Variants in KANK1 observed in about 807,000 individuals in gnomAD.
KANK1 encodes KN motif and ankyrin repeat domain-containing protein 1.
In KANK1, 109 loss-of-function variants were observed where a neutral mutation model predicts 106.2. The ratio of observed to expected loss-of-function variants is 1.03; its 90% CI spans 0.88 to 1.20. KANK1 has a LOEUF of 1.20. Among genes scored for constraint, KANK1 ranks in the 50% most tolerant of loss-of-function variants. KANK1 has a pLI of 0.00. For synonymous variants in KANK1, 873 were observed against 652.2 expected (o/e 1.34, Z -5.16); for missense variants, 2,399 against 1,710.7 (o/e 1.40, Z -7.10).
chr9:719,991 CAT>C (rs1193552689), intron 3 of KANK1, among the ~76,000 whole-genome samples: 2 of 152,152 alleles, frequency 1.3e-5, no homozygotes, highest in African/African-American at 4.8e-5. Context: ...ATAGTCATCT[CAT>C]TTGCCTTAGA....
At chr9:655,167 C>T (rs1841848051) in intron 1 of KANK1, among the ~76,000 whole-genome samples, 1 of 152,102 alleles carries the variant, frequency 6.6e-6, no homozygotes, top group Middle Eastern at 3.4e-3. Context: ...GTCAGGAGCT[C>T]GGGACCAGCC....
At position 712,916 on chromosome 9, in the gene KANK1, T is replaced by C; in HGVS notation, c.2150T>C (p.Val717Ala). The part of the protein sequence containing the change: ...TSTQTVETRT[V>A]AVGEGRVKDI... ...ACCCAGACTGTGGAGACGCGGACAGTAGCTGTAGGAGAAGGCCGTGTCAAG... is the reference window on the plus strand; with the variant it reads ...ACCCAGACTGTGGAGACGCGGACAGCAGCTGTAGGAGAAGGCCGTGTCAAG... Residue 717 changes from valine to alanine, a missense_variant, in exon 3 of 12, where the codon GTA (valine) becomes GCA (alanine). Transcript: ENST00000382297. 2 of 1,614,096 alleles carry C rather than the reference T, an allele frequency of 1.2e-6. No homozygotes were observed. The highest frequency in any genetic ancestry group is 1.3e-5 in the African/African-American group (1 of 75,014).
intron 1 of KANK1, among the ~76,000 whole-genome samples, chr9:509,737 T>G (rs1587358814): frequency 6.6e-6 from 1 of 152,224 alleles, no homozygotes; most frequent in Non-Finnish European, 1.5e-5. Flanking sequence ...TGGCTTGGGA[T>G]CTTTGTTAAA....
chr9:623,523 G>C (rs1289944946), intron 1 of KANK1, among the ~76,000 whole-genome samples: 1 of 150,496 alleles, frequency 6.6e-6, no homozygotes, highest in Non-Finnish European at 1.5e-5. Context: ...AGGATCACCT[G>C]AACCCGAAGA....
chr9:512,493 C>G (rs1040427147), intron 1 of KANK1, among the ~76,000 whole-genome samples: 3 of 151,958 alleles, frequency 2.0e-5, no homozygotes, highest in Non-Finnish European at 4.4e-5. Context: ...TCTCTTTTAC[C>G]CATAGTTACC....
At chr9:534,090 G>T (rs1338207078) in intron 1 of KANK1, among the ~76,000 whole-genome samples, 1 of 152,178 alleles carries the variant, frequency 6.6e-6, no homozygotes, top group African/African-American at 2.4e-5. Flanking sequence ...GTTGTTTTCA[G>T]GTGGACCCAA....
intron 1 of KANK1, among the ~76,000 whole-genome samples, chr9:633,475 A>G (rs1836311538): frequency 1.3e-5 from 2 of 152,034 alleles, no homozygotes; most frequent in Non-Finnish European, 2.9e-5. Flanking sequence ...AAACAAAACA[A>G]AAAAAACACC....
At chr9:727,411 G>A (rs551286009) in intron 3 of KANK1, among the ~76,000 whole-genome samples, 2 of 151,702 alleles carry the variant, frequency 1.3e-5, no homozygotes, top group South Asian at 2.1e-4. Context: ...TGCCTCCCGG[G>A]TTCAAGTGAT....
intron 2 of KANK1, among the ~76,000 whole-genome samples, chr9:700,411 G>A (rs1021163262): frequency 2.0e-5 from 3 of 152,196 alleles, no homozygotes; most frequent in Non-Finnish European, 2.9e-5. Flanking sequence ...TCAGAAGGAC[G>A]CTGTTGTACT....
intron 2 of KANK1, among the ~76,000 whole-genome samples, chr9:708,738 C>T (rs1158710634): frequency 1.3e-5 from 2 of 152,104 alleles, no homozygotes; most frequent in African/African-American, 4.8e-5. Context: ...TCAAACTGGA[C>T]AGCAGTCAAG....
Position 623,556 on chromosome 9 carries a change from G to A in KANK1, c.-83-53334G>A, listed in dbSNP as rs140993575. On this transcript the variant is annotated intron_variant, in intron 1 of 11. Transcript: ENST00000382297. The stretch of plus-strand genomic sequence containing the variant: ...AGAGGTCGAGACTGCATTGAGCCAA[G>A]ATCATGCCACTGCCCTCCAGCCTGG... Among the ~76,000 whole-genome samples the A allele has an allele frequency of 1.9e-4, 28 of 148,984 alleles. 1 individual carries two copies. In the East Asian group the frequency reaches 2.9e-3, roughly 16 times the overall value.
intron 1 of KANK1, among the ~76,000 whole-genome samples, chr9:600,652 G>T (rs1827505776): frequency 6.6e-6 from 1 of 151,712 alleles, no homozygotes; most frequent in Non-Finnish European, 1.5e-5. Flanking sequence ...TGGGCTTCTT[G>T]CACACTTGCC....
intron 3 of KANK1, among the ~76,000 whole-genome samples, chr9:727,303 A>C (rs1830941401): frequency 6.6e-6 from 1 of 151,602 alleles, no homozygotes. Flanking sequence ...ACTATAGAAA[A>C]AATGGCAAAT....
rs377493956 is a variant in KANK1, at chr9:584,751, C to G, written c.-84+79997C>G. 2.1e-3 allele frequency among the ~76,000 whole-genome samples: 322 copies of G among 152,312 alleles called. 1 individual carries two copies. Among genetic ancestry groups the G allele is most frequent in the African/African-American group, 7.1e-3 (297 of 41,562 alleles). The stretch of plus-strand genomic sequence containing the variant: ...TTTGCAGTCAACTGTCAGTTATCTT[C>G]AGCTTTCAGGCTCGCTGCACATGGA... On this transcript the variant is annotated intron_variant, in intron 1 of 11. Coordinates refer to ENST00000382297, the MANE Select transcript of KANK1 (RefSeq NM_015158.5).
At chr9:563,520 G>A (rs950456611) in intron 1 of KANK1, among the ~76,000 whole-genome samples, 2 of 152,136 alleles carry the variant, frequency 1.3e-5, no homozygotes, top group Non-Finnish European at 2.9e-5. Context: ...CTATTAATAA[G>A]CCTCATAAGT....
intron 1 of KANK1, among the ~76,000 whole-genome samples, chr9:621,230 T>C (rs562154454): frequency 2.2e-4 from 34 of 152,266 alleles, no homozygotes; most frequent in African/African-American, 7.9e-4. Context: ...TACATATTGG[T>C]TAATAATTGC....
At chr9:696,953 A>T (rs1413509125) in intron 2 of KANK1, among the ~76,000 whole-genome samples, 4 of 152,206 alleles carry the variant, frequency 2.6e-5, no homozygotes, top group African/African-American at 9.7e-5. Context: ...CAGATGAAGA[A>T]AGGAAAGACA....
intron 3 of KANK1, among the ~76,000 whole-genome samples, chr9:487,376 T>C (rs2058310668): frequency 6.6e-6 from 1 of 152,222 alleles, no homozygotes; most frequent in Non-Finnish European, 1.5e-5. Context: ...TCTGCCCACC[T>C]GTAGGCTAAG....
rs567333368 is a variant in KANK1 at position 554,155 on chromosome 9, A to G, written c.-84+49401A>G. Among the ~76,000 whole-genome samples the G allele has an allele frequency of 5.9e-5, 9 of 152,356 alleles. 1 individual carries two copies. In the East Asian group the frequency reaches 1.3e-3, roughly 23 times the overall value. On this transcript the variant is annotated intron_variant, in intron 1 of 11. Coordinates refer to ENST00000382297, the MANE Select transcript of KANK1 (RefSeq NM_015158.5). ...CCAGGAAGTCCCAGGATGTTCCCCA[A>G]GAAGTCTCAAGATCTGCCATCTGCA...
Sources: allele counts gnomAD v4.1 joint callset (sites outside exome capture counted in the v4.1 genomes callset), GRCh38; gene constraint gnomAD v4.1.1; transcripts MANE v1.5; gene names NCBI Gene and HGNC (gene_info 2026-07-23, HGNC 2026-07-21).